Variants in PCDH15 observed in about 807,000 individuals in gnomAD.
PCDH15 encodes the protein protocadherin-15.
Under a neutral mutation model 178.5 loss-of-function variants are expected in PCDH15, and 129 were observed. That is an observed-to-expected ratio of 0.72 (90% CI 0.63 to 0.84). The LOEUF (loss-of-function observed/expected upper bound fraction) is 0.84, where lower values mean the gene tolerates loss of function less well. PCDH15 is among the 40% of genes least tolerant of loss of function. PCDH15 has a pLI of 0.00. For synonymous variants in PCDH15, 800 were observed against 732.0 expected, an observed-to-expected ratio of 1.09 and a Z score of -1.50; for missense variants, 2,230 against 2,099.9, an observed-to-expected ratio of 1.06 and a Z score of -1.21.
intron 2 of PCDH15, among the ~76,000 whole-genome samples, chr10:55,359,747 T>TATACACACAC (rs1491280747): frequency 1.7e-4 from 14 of 81,664 alleles, no homozygotes; most frequent in African/African-American, 5.0e-4. Context: ...TATATATATA[T>TATACACACAC]ACACACACAC....
At chr10:54,720,466 A>G (rs1000700490) in intron 1 of PCDH15, among the ~76,000 whole-genome samples, 1 of 152,036 alleles carries the variant, frequency 6.6e-6, no homozygotes, top group African/African-American at 2.4e-5. Flanking sequence ...AAGACTTTTC[A>G]GCAGAAAATC....
chr10:55,159,072 T>C (rs2132110744), intron 2 of PCDH15, among the ~76,000 whole-genome samples: 1 of 152,134 alleles, frequency 6.6e-6, no homozygotes, highest in East Asian at 1.9e-4. Context: ...ATGTCCTCAG[T>C]GGCTAAATGA....
intron 1 of PCDH15, among the ~76,000 whole-genome samples, chr10:55,205,455 T>C (rs563564080): frequency 3.1e-4 from 47 of 152,058 alleles, no homozygotes; most frequent in Non-Finnish European, 5.6e-4. Flanking sequence ...ATCTAATATA[T>C]ATATGTGTGT....
At position 53,831,476 on chromosome 10, in the gene PCDH15, T is replaced by C; in HGVS notation, c.4041A>G (p.Glu1347=). ...TCCGGATCTCCAGAATGCGTCCTCC[T>C]TCCCCATAATACGGCTGAAAGTCTT... ...INKDFQPYYG[E]GGRILEIRTP... The change falls in exon 30 of 38, where the codon GAA becomes GAG. Residue 1347 remains glutamate (E), a synonymous_variant. Coordinates refer to ENST00000644397, the MANE Select transcript of PCDH15 (RefSeq NM_001384140.1). The C allele has an allele frequency of 6.2e-7, 1 of 1,614,176 alleles. No homozygotes were observed. The highest frequency in any genetic ancestry group is 1.7e-5 in the Admixed American group (1 of 60,022).
intron 7 of PCDH15, among the ~76,000 whole-genome samples, chr10:54,328,930 T>C (rs1938788183): frequency 6.6e-6 from 1 of 151,984 alleles, no homozygotes; most frequent in Admixed American, 6.6e-5. Context: ...GTCTATGTTT[T>C]ATAAGCATAT....
At chr10:54,145,271 T>C (rs1013033923) in intron 14 of PCDH15, among the ~76,000 whole-genome samples, 2 of 152,052 alleles carry the variant, frequency 1.3e-5, no homozygotes, top group Non-Finnish European at 2.9e-5. Flanking sequence ...GATTGTATTA[T>C]CTTATTATTA....
chr10:54,773,084 C>A (rs1157613164), intron 1 of PCDH15, among the ~76,000 whole-genome samples: 1 of 151,464 alleles, frequency 6.6e-6, no homozygotes, highest in Admixed American at 6.6e-5. Context: ...ACAACACATA[C>A]TGGGGCCTGT....
At chr10:54,241,889 A>AT (rs2055345077) in intron 8 of PCDH15, among the ~76,000 whole-genome samples, 1 of 151,516 alleles carries the variant, frequency 6.6e-6, no homozygotes, top group Non-Finnish European at 1.5e-5. Flanking sequence ...TAAAATTATT[A>AT]TTTTAATTTT....
intron 2 of PCDH15, among the ~76,000 whole-genome samples, chr10:54,946,102 C>A (rs1838191698): frequency 6.6e-6 from 1 of 151,674 alleles, no homozygotes; most frequent in Non-Finnish European, 1.5e-5. Flanking sequence ...CTATTTTGGT[C>A]AGATTAGAAT....
At chr10:53,991,744 G>A (rs1180454033) in intron 21 of PCDH15, among the ~76,000 whole-genome samples, 2 of 152,020 alleles carry the variant, frequency 1.3e-5, no homozygotes, top group Non-Finnish European at 2.9e-5. Context: ...GAACTTTTAT[G>A]TCTAGCTAGA....
At chr10:53,987,072 A>C (rs2091154362) in intron 21 of PCDH15, among the ~76,000 whole-genome samples, 1 of 152,166 alleles carries the variant, frequency 6.6e-6, no homozygotes. Flanking sequence ...CATACACCAG[A>C]CACAATTCAT....
At chr10:54,733,890 T>C (rs1427416327) in intron 1 of PCDH15, among the ~76,000 whole-genome samples, 1 of 150,610 alleles carries the variant, frequency 6.6e-6, no homozygotes, top group Non-Finnish European at 1.5e-5. Context: ...CCTCCAAACG[T>C]AAAAACAAAA....
At chr10:55,236,685 C>T (rs766754593) in intron 1 of PCDH15, among the ~76,000 whole-genome samples, 6 of 151,816 alleles carry the variant, frequency 4.0e-5, no homozygotes, top group African/African-American at 1.2e-4. Flanking sequence ...CAAAAGTTGG[C>T]GTTTTCCTAT....
intron 8 of PCDH15, among the ~76,000 whole-genome samples, chr10:54,284,519 G>T (rs986850867): frequency 3.5e-4 from 53 of 152,272 alleles, no homozygotes; most frequent in African/African-American, 1.1e-3. Context: ...TGAGGAATTC[G>T]TTAGTCTATC....
chr10:55,477,441 G>A (rs973170293), intron 2 of PCDH15, among the ~76,000 whole-genome samples: 1 of 151,902 alleles, frequency 6.6e-6, no homozygotes, highest in Non-Finnish European at 1.5e-5. Context: ...GTTCAAAAGT[G>A]AATTATTAGA....
rs763305001 is a variant in PCDH15 at position 55,571,181 on chromosome 10, C to A, written c.-156+56444G>T. ...AAAGGGCCTGACACTTCACCACTCA[C>A]TCTCTTGCTCTCTCTTTTGCCATGT... On this transcript the variant is annotated intron_variant, in intron 2 of 5. Coordinates refer to the PCDH15 transcript ENST00000613346. 1.2e-3 allele frequency among the ~76,000 whole-genome samples: 177 copies of A among 152,094 alleles called. 5 individuals carry two copies. The highest frequency in any genetic ancestry group is 3.4e-3 in the Middle Eastern group (1 of 294).
intron 2 of PCDH15, among the ~76,000 whole-genome samples, chr10:54,968,854 A>G (rs1838861778): frequency 6.6e-6 from 1 of 151,948 alleles, no homozygotes; most frequent in Non-Finnish European, 1.5e-5. Context: ...TTATTGTTCT[A>G]TCTTCAACAT....
chr10:53,901,104 C>T (rs1250564764), intron 26 of PCDH15, among the ~76,000 whole-genome samples: 1 of 152,086 alleles, frequency 6.6e-6, no homozygotes, highest in Non-Finnish European at 1.5e-5. Context: ...ATCTCAGTAT[C>T]CCCAAACCCT....
chr10:55,444,060 C>T (rs564803259), intron 2 of PCDH15, among the ~76,000 whole-genome samples: 118 of 151,530 alleles, frequency 7.8e-4, no homozygotes, highest in African/African-American at 2.5e-3. Flanking sequence ...CATATGTCCT[C>T]ACTCATAAGT....
Sources: allele counts gnomAD v4.1 joint callset (sites outside exome capture counted in the v4.1 genomes callset), GRCh38; gene constraint gnomAD v4.1.1; transcripts MANE v1.5; gene names NCBI Gene and HGNC (gene_info 2026-07-23, HGNC 2026-07-21).